The following RABGGTB variants were observed in gnomAD, a reference collection of about 807,000 sequenced individuals.
The protein encoded by RABGGTB is geranylgeranyl transferase type-2 subunit beta.
In RABGGTB, 20 loss-of-function variants were observed where a neutral mutation model predicts 44.5. The ratio of observed to expected loss-of-function variants is 0.45; its 90% CI spans 0.32 to 0.65. The LOEUF (loss-of-function observed/expected upper bound fraction) is 0.65, where lower values mean the gene tolerates loss of function less well. Ranked by LOEUF, RABGGTB falls within the 30% of genes least tolerant of loss-of-function variation. The probability of loss-of-function intolerance (pLI) is 0.05; values close to 1 mark genes in which losing one functional copy is unlikely to be tolerated. For missense variants in RABGGTB, 302 were observed against 398.7 expected, an observed-to-expected ratio of 0.76 and a Z score of 2.06; for synonymous variants, 128 against 136.7, an observed-to-expected ratio of 0.94 and a Z score of 0.44.
rs568859238 is a variant in RABGGTB, at chr1:75,793,066, C to T, written c.705+760C>T. On this transcript the variant is annotated intron_variant, in intron 7 of 8. Transcript: ENST00000319942. The stretch of plus-strand genomic sequence containing the variant: ...TGACCTCGTGATCTGCCTGCATCAA[C>T]CTCCCAAAGTGCTGGGATTGTAGGC... Among the ~76,000 whole-genome samples, 13 of 152,320 alleles carry T rather than the reference C, an allele frequency of 8.5e-5. No homozygotes were observed. The South Asian group carries it at 2.7e-3, about 32-fold the overall frequency.
At position 75,794,707 on chromosome 1, in the gene RABGGTB, T is replaced by G; in HGVS notation, c.*57T>G. 1 of 1,428,652 alleles carries G rather than the reference T, an allele frequency of 7.0e-7. No individual in the cohort carries two copies. Among genetic ancestry groups the G allele is most frequent in the Non-Finnish European group, 9.4e-7 (1 of 1,069,108 alleles). The allele number at this position is 1,428,652 out of a possible 1,614,324, so 88.5% of individuals were successfully genotyped here. On this transcript the variant is annotated 3_prime_UTR_variant, in exon 9 of 9. Coordinates refer to ENST00000319942, the MANE Select transcript of RABGGTB (RefSeq NM_004582.4). ...TTTGCCATTTTAACATTTCTGTATT[T>G]GAAGTGCTTATCGAATCTAAAAGTG...
chr1:75,787,816 G>A lies in RABGGTB; in HGVS notation c.111+212G>A. 4 of 690,664 alleles carry A rather than the reference G, an allele frequency of 5.8e-6. 1 individual carries two copies. The highest frequency in any genetic ancestry group is 5.3e-6 in the Non-Finnish European group (2 of 379,076). 42.8% of individuals were successfully genotyped at this position (690,664 alleles called of 1,614,324 possible). On this transcript the variant is annotated intron_variant, in intron 2 of 8. Coordinates refer to ENST00000319942, the MANE Select transcript of RABGGTB (RefSeq NM_004582.4). ...GTTTTTACCTATACTGAGAGGGCTT[G>A]CCAGACAAAGTAGATGAGGGTTTGA...
intron 3 of RABGGTB, chr1:75,789,632 T>A: frequency 1.6e-6 from 1 of 638,756 alleles, no homozygotes; most frequent in Non-Finnish European, 2.9e-6. Flanking sequence ...TTAGTGAACA[T>A]CTACCTGGTG....
At chr1:75,787,913 TATC>T (rs771598760) in intron 2 of RABGGTB, 3 of 590,068 alleles carry the variant, frequency 5.1e-6, no homozygotes, top group South Asian at 2.8e-5. Flanking sequence ...TGGCATGTAT[TATC>T]TGAATCTATT....
rs1469994421 is a variant in RABGGTB, at chr1:75,794,158, A to G, written c.780A>G (p.Arg260=). Residue 260 remains arginine, a synonymous_variant, in exon 8 of 9, where the codon AGA becomes AGG. Coordinates refer to ENST00000319942, the MANE Select transcript of RABGGTB (RefSeq NM_004582.4). ...TTGGAAGACTTCATTGGATTGATAGAGAGAAACTGCGTAATTTCATTTTAG... is the reference window on the plus strand; with the variant it reads ...TTGGAAGACTTCATTGGATTGATAGGGAGAAACTGCGTAATTTCATTTTAG... The part of the protein sequence containing the change: ...KIIGRLHWID[R]EKLRNFILAC... 1 of 1,613,904 alleles carries G rather than the reference A, an allele frequency of 6.2e-7. No homozygotes were observed. The highest frequency in any genetic ancestry group is 8.5e-7 in the Non-Finnish European group (1 of 1,179,816).
At chr1:75,794,274 C>A in intron 8 of RABGGTB, 41 bp downstream of exon 8, 1 of 1,561,992 alleles carries the variant, frequency 6.4e-7, no homozygotes, top group Non-Finnish European at 8.7e-7. Flanking sequence ...ATTATTTCAG[C>A]GTTTGCATTA....
intron 2 of RABGGTB, chr1:75,788,586 G>A (rs1333022609): frequency 6.5e-6 from 1 of 154,118 alleles, no homozygotes; most frequent in African/African-American, 2.4e-5. Flanking sequence ...CCACCACCCA[G>A]CCACAAAACT....
At chr1:75,787,184 G>A in intron 1 of RABGGTB, 1 of 592,776 alleles carries the variant, frequency 1.7e-6, no homozygotes, top group Non-Finnish European at 3.2e-6. Flanking sequence ...GACGAAGCCT[G>A]AATGATTTAA....
At chr1:75,786,307 G>A in intron 1 of RABGGTB, 33 bp downstream of exon 1, 2 of 1,613,888 alleles carry the variant, frequency 1.2e-6, no homozygotes, top group Non-Finnish European at 1.7e-6. Context: ...TGTCCGGATG[G>A]GTTGGTAGCA....
chr1:75,790,393 TGGAG>T (rs1649617742), intron 4 of RABGGTB: 3 of 1,164,526 alleles, frequency 2.6e-6, no homozygotes, highest in Non-Finnish European at 3.2e-6. Context: ...AATATTTGAG[TGGAG>T]GGAGGGAATA....
In RABGGTB at chr1:75,791,464, A is replaced by G. The variant is rs1488629101; in HGVS notation, c.472A>G (p.Lys158Glu). The G allele has an allele frequency of 6.2e-7, 1 of 1,608,234 alleles. No homozygotes were observed. The highest frequency in any genetic ancestry group is 1.4e-5 in the African/African-American group (1 of 74,020). ...GCATCTTTTTTTTTGTTTGTAGGGG[A>G]AGCTTGATGCTATTAATGTGGAAAA... The part of the protein sequence containing the change: ...CAVATLALLG[K>E]LDAINVEKAI... Residue 158 changes from lysine (K) to glutamate (E), a missense_variant, in exon 6 of 9, where the codon AAG becomes GAG. Around this residue, in one of 2 missense-constraint regions of RABGGTB, gnomAD observed 213 missense variants for 323.7 expected, o/e 0.66. Coordinates refer to ENST00000319942, the MANE Select transcript of RABGGTB (RefSeq NM_004582.4).
At chr1:75,791,662 A>G (rs1649650545) in intron 6 of RABGGTB, 91 bp downstream of exon 6, 2 of 1,110,328 alleles carry the variant, frequency 1.8e-6, no homozygotes, top group Admixed American at 2.2e-5. Context: ...TTTGTCAAAT[A>G]CACATAAAGT....
At chr1:75,791,717 G>C in intron 6 of RABGGTB, 146 bp downstream of exon 6, 1 of 688,824 alleles carries the variant, frequency 1.5e-6, no homozygotes. Flanking sequence ...TTGCTTAATT[G>C]CTATCATTAC....
chr1:75,793,606 G>C (rs1050866485), intron 7 of RABGGTB: 4 of 152,760 alleles, frequency 2.6e-5, no homozygotes, highest in African/African-American at 9.6e-5. Context: ...TCATTAAAAT[G>C]AGATCAGCCT....
intron 6 of RABGGTB, 47 bp downstream of exon 6, chr1:75,791,618 G>T (rs774137399): frequency 6.7e-7 from 1 of 1,493,672 alleles, no homozygotes; most frequent in East Asian, 2.3e-5. Context: ...TTGGAAGCCA[G>T]TGTAGTAAAA....
At chr1:75,786,850 T>C (rs192195022) in intron 1 of RABGGTB, 1 of 324,208 alleles carries the variant, frequency 3.1e-6, no homozygotes, top group Non-Finnish European at 5.9e-6. Flanking sequence ...TGAACAACTT[T>C]TGGGGTACTT....
At position 75,794,251 on chromosome 1, in the gene RABGGTB, CAT is replaced by C. The variant is rs1649716690; in HGVS notation, c.855+21_855+22del. On this transcript the variant is annotated intron_variant, in intron 8 of 8. Transcript: ENST00000319942. The stretch of plus-strand genomic sequence containing the variant: ...GAGATATGGCAAGTAATATTTCTGA[CAT>C]ATTTCTATAAATTATTTCAGCGTTT... 1.3e-6 allele frequency: 2 copies of C among 1,583,574 alleles called. No homozygotes were observed. The highest frequency in any genetic ancestry group is 1.7e-6 in the Non-Finnish European group (2 of 1,162,924).
rs369812482 is a variant in RABGGTB at position 75,794,676 on chromosome 1, T to C, written c.*26T>C. The C allele has an allele frequency of 2.2e-4, 339 of 1,525,656 alleles. No individual in the cohort carries two copies. Among genetic ancestry groups the C allele is most frequent in the Non-Finnish European group, 2.9e-4 (323 of 1,130,746 alleles). The allele number at this position is 1,525,656 out of a possible 1,614,324, so 94.5% of individuals were successfully genotyped here. On this transcript the variant is annotated 3_prime_UTR_variant, in exon 9 of 9. Coordinates refer to ENST00000319942, the MANE Select transcript of RABGGTB (RefSeq NM_004582.4). Reference sequence around the variant, plus strand: ...ATTCATTGAATTGAAAGTTGCATAGTATAGTTTTGCCATTTTAACATTTCT... The same window carrying C: ...ATTCATTGAATTGAAAGTTGCATAGCATAGTTTTGCCATTTTAACATTTCT...
At chr1:75,787,280 T>G (rs962078773) in intron 1 of RABGGTB, 2 of 623,242 alleles carry the variant, frequency 3.2e-6, no homozygotes, top group East Asian at 2.8e-5. Flanking sequence ...CAGGATGGAG[T>G]GCAGTGACAC....
Sources: gnomAD v4.1 joint callset for allele counts (sites outside exome capture counted in the v4.1 genomes callset) on GRCh38, gnomAD v4.1.1 for gene constraint, gnomAD v4.1.1 regional missense constraint, MANE v1.5 for transcripts, NCBI Gene and HGNC (gene_info 2026-07-23, HGNC 2026-07-21) for gene names.